SRSF10: variants seen among roughly 807,000 people sequenced by gnomAD.
SRSF10 encodes the protein serine/arginine-rich splicing factor 10.
In SRSF10, 9 loss-of-function variants were observed where a neutral mutation model predicts 32.6. The observed-to-expected ratio is 0.28, with a 90% CI of 0.17 to 0.48. The LOEUF is 0.48. Ranked by LOEUF, SRSF10 falls within the 20% of genes least tolerant of loss-of-function variation. The probability of loss-of-function intolerance (pLI) is 0.99; values close to 1 mark genes in which losing one functional copy is unlikely to be tolerated. For synonymous variants in SRSF10, 105 were observed against 112.4 expected (o/e 0.93, Z 0.42); for missense variants, 201 against 331.8 (o/e 0.61, Z 3.06).
Position 23,970,967 on chromosome 1 carries a change from C to A in SRSF10, c.*175G>T, listed in dbSNP as rs1159236147. 1.8e-5 allele frequency: 25 copies of A among 1,390,862 alleles called. No individual in the cohort carries two copies. The highest frequency in any genetic ancestry group is 2.2e-5 in the Non-Finnish European group (24 of 1,077,156). The allele number at this position is 1,390,862 out of a possible 1,614,324, so 86.2% of individuals were successfully genotyped here. ...CCCATAACATTAAACAAACTGGACTCTTAAGAGTGGCTTCTCAACAGCATA... is the reference window on the plus strand; with the variant it reads ...CCCATAACATTAAACAAACTGGACTATTAAGAGTGGCTTCTCAACAGCATA... On this transcript the variant is annotated 3_prime_UTR_variant, in exon 6 of 6. Coordinates refer to ENST00000492112, the MANE Select transcript of SRSF10 (RefSeq NM_054016.4).
At position 23,971,617 on chromosome 1, in the gene SRSF10, C is replaced by G. The variant is rs1204090882; in HGVS notation, c.447G>C (p.Pro149=). The G allele has an allele frequency of 6.2e-7, 1 of 1,610,504 alleles. No individual in the cohort carries two copies. The highest frequency in any genetic ancestry group is 8.5e-7 in the Non-Finnish European group (1 of 1,179,766). Residue 149 remains proline, a synonymous_variant, in exon 5 of 6, where the codon CCG becomes CCC. Transcript: ENST00000492112. ...RRSYSPRNSR[P]TGRPRRSRSH... ...TTCTGCTACGCCGTGGTCTTCCAGTCGGTCTACTGCTAAAAAGCATATCAG... is the reference window on the plus strand; with the variant it reads ...TTCTGCTACGCCGTGGTCTTCCAGTGGGTCTACTGCTAAAAAGCATATCAG...
Position 23,967,696 on chromosome 1 carries a change from G to C in SRSF10, c.*3446C>G. ...TTCTTGAAGTGTAGTAAGCAGAACT[G>C]TACTGGGTATTCCAGCTGCAGTTTG... On this transcript the variant is annotated 3_prime_UTR_variant, in exon 6 of 6. Transcript: ENST00000492112. The C allele has an allele frequency of 6.2e-7, 1 of 1,604,608 alleles. No homozygotes were observed. Among genetic ancestry groups the C allele is most frequent in the Non-Finnish European group, 8.5e-7 (1 of 1,171,564 alleles).
At chr1:23,979,265 G>A (rs61772993) in intron 1 of SRSF10, among the ~76,000 whole-genome samples, 150,499 of 152,254 alleles carry the variant, frequency 0.99, 74,397 homozygotes, top group East Asian at 1. Flanking sequence ...AGATGCTAAC[G>A]TAACTATTAG....
Position 23,980,111 on chromosome 1 carries a change from C to T in SRSF10, c.65+80G>A, listed in dbSNP as rs1210418733. 10 of 1,421,216 alleles carry T rather than the reference C, an allele frequency of 7.0e-6. No individual in the cohort carries two copies. In the East Asian group the frequency reaches 2.9e-4, roughly 41 times the overall value. 88.0% of individuals were successfully genotyped at this position (1,421,216 alleles called of 1,614,324 possible). On this transcript the variant is annotated intron_variant, in intron 1 of 5. Coordinates refer to ENST00000492112, the MANE Select transcript of SRSF10 (RefSeq NM_054016.4). ...TCTTCACTCCGTCCCCTCCCCCGGC[C>T]CAGTGCCGCCACCACCAGGGTCCTC...
In SRSF10 at chr1:23,970,937, A is replaced by T. The variant is rs1641719537; in HGVS notation, c.*205T>A. The T allele has an allele frequency of 3.9e-6, 5 of 1,267,454 alleles. No homozygotes were observed. Among genetic ancestry groups the T allele is most frequent in the Non-Finnish European group, 4.0e-6 (4 of 1,007,530 alleles). The allele number at this position is 1,267,454 out of a possible 1,614,324, so 78.5% of individuals were successfully genotyped here. On this transcript the variant is annotated 3_prime_UTR_variant, in exon 6 of 6. Coordinates refer to ENST00000492112, the MANE Select transcript of SRSF10 (RefSeq NM_054016.4). ...ATATACAGAGACACCACAAATTGGT[A>T]GCTGCCCATAACATTAAACAAACTG...
In SRSF10 at chr1:23,970,121, T is replaced by G; in HGVS notation, c.*1021A>C. On this transcript the variant is annotated 3_prime_UTR_variant, in exon 6 of 6. Transcript: ENST00000492112. Reference sequence around the variant, plus strand: ...CTCCTTAAACTTTAGAATAACTACATAAGAATATTCCTTTTTCCTTAAAAT... The same window carrying G: ...CTCCTTAAACTTTAGAATAACTACAGAAGAATATTCCTTTTTCCTTAAAAT... 1 of 985,386 alleles carries G rather than the reference T, an allele frequency of 1.0e-6. No individual in the cohort carries two copies. Among genetic ancestry groups the G allele is most frequent in the South Asian group, 4.7e-5 (1 of 21,286 alleles). The allele number at this position is 985,386 out of a possible 1,614,324, so 61.0% of individuals were successfully genotyped here. A position where few individuals can be genotyped will look rare whatever the true frequency, so the allele number is the denominator to read the frequency against.
intron 1 of SRSF10, among the ~76,000 whole-genome samples, chr1:23,979,560 A>G (rs1642321750): frequency 6.6e-6 from 1 of 152,128 alleles, no homozygotes; most frequent in Non-Finnish European, 1.5e-5. Flanking sequence ...CAACGTCCTA[A>G]TGACTGACGC....
rs1269456112 is a variant in SRSF10 at position 23,980,291 on chromosome 1, C to T, written c.-36G>A. ...TGTCTCGGCCGGGCGCACTAACGGG[C>T]TCAGCAAACCGTCCGCGGCTCAGGC... On this transcript the variant is annotated 5_prime_UTR_variant, in exon 1 of 6. Transcript: ENST00000492112. The T allele has an allele frequency of 7.0e-7, 1 of 1,427,578 alleles. No individual in the cohort carries two copies. The highest frequency in any genetic ancestry group is 9.2e-7 in the Non-Finnish European group (1 of 1,083,098). The allele number at this position is 1,427,578 out of a possible 1,614,324, so 88.4% of individuals were successfully genotyped here. A position where few individuals can be genotyped will look rare whatever the true frequency, so the allele number is the denominator to read the frequency against.
intron 3 of SRSF10, among the ~76,000 whole-genome samples, chr1:23,974,585 T>C (rs1414461445): frequency 1.3e-5 from 2 of 152,168 alleles, no homozygotes; most frequent in African/African-American, 4.8e-5. Flanking sequence ...TCCCAGCACT[T>C]TGAGAGGCTG....
At position 23,967,960 on chromosome 1, in the gene SRSF10, C is replaced by CAAA. The variant is rs36002299; in HGVS notation, c.*3179_*3181dup. On this transcript the variant is annotated 3_prime_UTR_variant, in exon 6 of 6. Transcript: ENST00000492112. ...ATTTTTCTTCTTGCTTACTTGGCTT[C>CAAA]AAAAAAAAAAAAAAAATGCAGAGAG... 203 of 1,447,424 alleles carry CAAA rather than the reference C, an allele frequency of 1.4e-4. 1 individual carries two copies. Among genetic ancestry groups the CAAA allele is most frequent in the Admixed American group, 8.3e-4 (37 of 44,788 alleles). The allele number at this position is 1,447,424 out of a possible 1,614,324, so 89.7% of individuals were successfully genotyped here. A position where few individuals can be genotyped will look rare whatever the true frequency, so the allele number is the denominator to read the frequency against.
rs1364366139 is a variant in SRSF10, at chr1:23,967,150, A to G, written c.*3992T>C. 1 of 152,880 alleles carries G rather than the reference A, an allele frequency of 6.5e-6. No homozygotes were observed. Among genetic ancestry groups the G allele is most frequent in the Non-Finnish European group, 1.5e-5 (1 of 68,504 alleles). 9.5% of individuals were successfully genotyped at this position (152,880 alleles called of 1,614,324 possible). ...ATTTACCTGGGAAGGAGTAGTTAAGACAGATGTAAACTGCATGTGGTGTAC... is the reference window on the plus strand; with the variant it reads ...ATTTACCTGGGAAGGAGTAGTTAAGGCAGATGTAAACTGCATGTGGTGTAC... On this transcript the variant is annotated 3_prime_UTR_variant, in exon 6 of 6. Transcript: ENST00000492112.
chr1:23,980,223 A>G lies in SRSF10; in HGVS notation c.33T>C (p.Ser11=). The G allele has an allele frequency of 6.5e-7, 1 of 1,527,804 alleles. No homozygotes were observed. The highest frequency in any genetic ancestry group is 8.8e-7 in the Non-Finnish European group (1 of 1,136,128). The allele number at this position is 1,527,804 out of a possible 1,614,324, so 94.6% of individuals were successfully genotyped here. MSRYLRPPNT[S]LFVRNVADDT... is the part of the protein sequence containing the mutation. ...CGTCGGCCACGTTCCTGACGAACAG[A>G]GACGTGTTGGGGGGACGCAGGTAGC... The change falls in exon 1 of 6, where the codon TCT becomes TCC. Residue 11 remains serine (S), a synonymous_variant. Transcript: ENST00000492112.
Position 23,968,085 on chromosome 1 carries a change from C to T in SRSF10, c.*3057G>A. The T allele has an allele frequency of 1.4e-6, 2 of 1,464,046 alleles. No individual in the cohort carries two copies. The allele number at this position is 1,464,046 out of a possible 1,614,324, so 90.7% of individuals were successfully genotyped here. ...AGCCCAGTCATACACAGTAGGTAAA[C>T]TCAGTAAGTGGGGGACTCAACTACA... On this transcript the variant is annotated 3_prime_UTR_variant, in exon 6 of 6. Coordinates refer to ENST00000492112, the MANE Select transcript of SRSF10 (RefSeq NM_054016.4).
At chr1:23,977,413 C>G (rs1570790122) in intron 2 of SRSF10, 1 of 152,256 alleles carries the variant, frequency 6.6e-6, no homozygotes, top group Admixed American at 6.5e-5. Flanking sequence ...GCCAACTGAT[C>G]ATTGTGCTAA....
chr1:23,976,925 ATTGCT>A (rs1322912207), intron 2 of SRSF10: 1 of 152,200 alleles, frequency 6.6e-6, no homozygotes, highest in African/African-American at 2.4e-5. Flanking sequence ...TCTCCTTTAG[ATTGCT>A]TTGAATTACT....
chr1:23,979,301 AAAG>A (rs1172704001), intron 1 of SRSF10, among the ~76,000 whole-genome samples: 2 of 116,752 alleles, frequency 1.7e-5, no homozygotes, highest in Non-Finnish European at 4.1e-5. Context: ...TTATTTATGG[AAAG>A]AATTATTGCT....
intron 3 of SRSF10, among the ~76,000 whole-genome samples, chr1:23,973,343 T>A (rs1641886893): frequency 6.6e-6 from 1 of 152,170 alleles, no homozygotes; most frequent in Non-Finnish European, 1.5e-5. Flanking sequence ...GAGTGCCTTT[T>A]TGTTTTGAGA....
At position 23,969,941 on chromosome 1, in the gene SRSF10, G is replaced by A. The variant is rs1394237284; in HGVS notation, c.*1201C>T. On this transcript the variant is annotated 3_prime_UTR_variant, in exon 6 of 6. Transcript: ENST00000492112. ...GAAAAGCAGGCCTCCCTCATAAAGAGGCAGGCAAATTTTGATACAAATGCA... is the reference window on the plus strand; with the variant it reads ...GAAAAGCAGGCCTCCCTCATAAAGAAGCAGGCAAATTTTGATACAAATGCA... 1 of 985,070 alleles carries A rather than the reference G, an allele frequency of 1.0e-6. No homozygotes were observed. The highest frequency in any genetic ancestry group is 1.8e-5 in the African/African-American group (1 of 57,084). 61.0% of individuals were successfully genotyped at this position (985,070 alleles called of 1,614,324 possible). A position where few individuals can be genotyped will look rare whatever the true frequency, so the allele number is the denominator to read the frequency against.
At position 23,969,443 on chromosome 1, in the gene SRSF10, A is replaced by T. The variant is rs1488357013; in HGVS notation, c.*1699T>A. ...TAAAGAAATGAAAGTTAGAAATACT[A>T]TCAAATATACAAAGGTTCTAGAATC... On this transcript the variant is annotated 3_prime_UTR_variant, in exon 6 of 6. Coordinates refer to ENST00000492112, the MANE Select transcript of SRSF10 (RefSeq NM_054016.4). 2 of 985,238 alleles carry T rather than the reference A, an allele frequency of 2.0e-6. No individual in the cohort carries two copies. Among genetic ancestry groups the T allele is most frequent in the African/African-American group, 3.5e-5 (2 of 57,240 alleles). The allele number at this position is 985,238 out of a possible 1,614,324, so 61.0% of individuals were successfully genotyped here.
Sources: gnomAD v4.1 joint callset for allele counts (sites outside exome capture counted in the v4.1 genomes callset) on GRCh38, gnomAD v4.1.1 for gene constraint, MANE v1.5 for transcripts, NCBI Gene and HGNC (gene_info 2026-07-23, HGNC 2026-07-21) for gene names.